Variants in NAALADL2 observed in about 807,000 individuals in gnomAD.
NAALADL2 encodes the protein inactive N-acetylated-alpha-linked acidic dipeptidase-like protein 2.
In NAALADL2, 76 loss-of-function variants were observed where a neutral mutation model predicts 87.2. That is an observed-to-expected ratio of 0.87 (90% CI 0.72 to 1.05). NAALADL2 has a LOEUF of 1.05. Ranked by LOEUF, NAALADL2 falls within the 50% of genes least tolerant of loss-of-function variation. The pLI, the probability that NAALADL2 is intolerant of heterozygous loss-of-function variation, is 0.00. For synonymous variants in NAALADL2, 354 were observed against 331.0 expected (o/e 1.07, Z -0.75); for missense variants, 1,089 against 945.8 (o/e 1.15, Z -1.99).
intron 1 of NAALADL2, among the ~76,000 whole-genome samples, chr3:174,997,064 T>A (rs1192249146): frequency 5.9e-4 from 89 of 149,652 alleles, no homozygotes; most frequent in East Asian, 2.4e-3. Context: ...ATATATTTTT[T>A]TTTTTAATCC....
At chr3:175,232,130 GGGAAGAGGAAGA>G (rs557610533) in intron 2 of NAALADL2, among the ~76,000 whole-genome samples, 10 of 151,458 alleles carry the variant, frequency 6.6e-5, no homozygotes, top group African/African-American at 2.4e-4. Context: ...GAAGGAGAAG[GGGAAGAGGAAGA>G]GGAAGAGGAA....
chr3:175,685,198 G>C (rs1736105524), intron 11 of NAALADL2, among the ~76,000 whole-genome samples: 1 of 152,064 alleles, frequency 6.6e-6, no homozygotes, highest in Non-Finnish European at 1.5e-5. Context: ...CCCTCCTTAA[G>C]TTCATCAACC....
chr3:175,736,678 C>T, intron 11 of NAALADL2, among the ~76,000 whole-genome samples: 1 of 152,172 alleles, frequency 6.6e-6, no homozygotes, highest in Non-Finnish European at 1.5e-5. Flanking sequence ...AACAAATCAG[C>T]CAAACTTCAC....
At chr3:175,782,424 T>C (rs1253351759) in intron 13 of NAALADL2, among the ~76,000 whole-genome samples, 2 of 81,208 alleles carry the variant, frequency 2.5e-5, no homozygotes, top group South Asian at 9.9e-4. Context: ...GGTATCTCAT[T>C]GTGGTTTTGA....
intron 2 of NAALADL2, among the ~76,000 whole-genome samples, chr3:174,646,602 A>G (rs1240576069): frequency 1.0e-5 from 1 of 97,990 alleles, no homozygotes; most frequent in Non-Finnish European, 2.4e-5. Context: ...TTTAAGATAA[A>G]CTTTAGATAA....
chr3:175,374,553 GAAAAAAAAAA>G lies in NAALADL2; in HGVS notation c.1090+50251_1090+50260del, dbSNP rs765485400. On this transcript the variant is annotated intron_variant, in intron 5 of 13. Coordinates refer to ENST00000454872, the MANE Select transcript of NAALADL2 (RefSeq NM_207015.3). ...AGTGCTGAGTACCACTGCATCTCCA[GAAAAAAAAAA>G]AAAAAAAAAAAAAAAAAAAAAAGAA... Among the ~76,000 whole-genome samples, 103 of 45,400 alleles carry G rather than the reference GAAAAAAAAAA, an allele frequency of 2.3e-3. No individual in the cohort carries two copies. The South Asian group carries it at 0.04, about 18-fold the overall frequency. 29.8% of individuals were successfully genotyped at this position (45,400 alleles called of 152,430 possible).
At chr3:175,211,161 G>A (rs559369504) in intron 2 of NAALADL2, among the ~76,000 whole-genome samples, 2 of 151,918 alleles carry the variant, frequency 1.3e-5, no homozygotes, top group African/African-American at 4.8e-5. Flanking sequence ...GAAGGTGGGG[G>A]CATTGCTTCA....
At chr3:175,184,957 A>T (rs1737113944) in intron 2 of NAALADL2, among the ~76,000 whole-genome samples, 1 of 152,102 alleles carries the variant, frequency 6.6e-6, no homozygotes, top group South Asian at 2.1e-4. Flanking sequence ...ACTATACGAT[A>T]GGTTGTATAT....
At chr3:174,995,923 T>A (rs868532556) in intron 1 of NAALADL2, among the ~76,000 whole-genome samples, 9 of 152,238 alleles carry the variant, frequency 5.9e-5, no homozygotes, top group South Asian at 4.1e-4. Context: ...ATAAAAAATA[T>A]TGAACTGGAG....
chr3:175,313,596 A>G (rs1173027726), intron 4 of NAALADL2, among the ~76,000 whole-genome samples: 1 of 152,240 alleles, frequency 6.6e-6, no homozygotes, highest in African/African-American at 2.4e-5. Flanking sequence ...ATTTAGGAGC[A>G]TCTGTGAATG....
At chr3:174,842,518 A>G (rs1724143285) in intron 3 of NAALADL2, among the ~76,000 whole-genome samples, 1 of 152,174 alleles carries the variant, frequency 6.6e-6, no homozygotes, top group Non-Finnish European at 1.5e-5. Context: ...TTACCTCAAA[A>G]TGTTATGGCA....
At chr3:174,988,111 T>C (rs1746222848) in intron 1 of NAALADL2, among the ~76,000 whole-genome samples, 1 of 152,060 alleles carries the variant, frequency 6.6e-6, no homozygotes, top group Non-Finnish European at 1.5e-5. Flanking sequence ...AAACTATCAG[T>C]GGAGATCAGC....
intron 9 of NAALADL2, among the ~76,000 whole-genome samples, chr3:175,524,487 A>G (rs1043972007): frequency 1.3e-5 from 2 of 152,154 alleles, no homozygotes; most frequent in Non-Finnish European, 2.9e-5. Flanking sequence ...TAATAAATAA[A>G]ATCCTGTGGT....
chr3:174,987,524 G>C (rs376429080), intron 1 of NAALADL2, among the ~76,000 whole-genome samples: 6,249 of 111,398 alleles, frequency 0.056, 494 homozygotes, highest in African/African-American at 0.2. Flanking sequence ...AGCCGAGATT[G>C]CGCCACTGCA....
intron 9 of NAALADL2, among the ~76,000 whole-genome samples, chr3:175,500,597 G>A (rs955704837): frequency 6.6e-6 from 1 of 152,018 alleles, no homozygotes; most frequent in Admixed American, 6.6e-5. Context: ...CTGTGCTCTA[G>A]CATTTTACTT....
chr3:175,083,485 A>C (rs1025623767), intron 1 of NAALADL2, among the ~76,000 whole-genome samples: 13 of 152,308 alleles, frequency 8.5e-5, no homozygotes, highest in African/African-American at 2.6e-4. Context: ...CACATTTATA[A>C]AATGATTTCA....
chr3:174,808,980 A>G (rs1336520001), intron 3 of NAALADL2, among the ~76,000 whole-genome samples: 4 of 152,202 alleles, frequency 2.6e-5, no homozygotes, highest in Admixed American at 1.3e-4. Context: ...AGTATAATTT[A>G]TAGAACCACA....
chr3:175,142,674 A>G (rs1400855866), intron 2 of NAALADL2, among the ~76,000 whole-genome samples: 1 of 151,976 alleles, frequency 6.6e-6, no homozygotes, highest in South Asian at 2.1e-4. Context: ...TATGTCAGGT[A>G]ACATTTGCAG....
intron 13 of NAALADL2, among the ~76,000 whole-genome samples, chr3:175,796,582 C>T (rs890867989): frequency 6.6e-6 from 1 of 152,178 alleles, no homozygotes. Context: ...ATAATCTCCT[C>T]TAATGTTGAT....
Sources: gnomAD v4.1 joint callset for allele counts (sites outside exome capture counted in the v4.1 genomes callset) on GRCh38, gnomAD v4.1.1 for gene constraint, MANE v1.5 for transcripts, NCBI Gene and HGNC (gene_info 2026-07-23, HGNC 2026-07-21) for gene names.